Variants in PLCH1 observed in about 807,000 individuals in gnomAD.
PLCH1 encodes phospholipase C eta 1.
In PLCH1, 60 loss-of-function variants were observed where a neutral mutation model predicts 126.7. The ratio of observed to expected loss-of-function variants is 0.47; its 90% CI spans 0.38 to 0.59. The LOEUF (loss-of-function observed/expected upper bound fraction) is 0.59. Ranked by LOEUF, PLCH1 falls within the 20% of genes least tolerant of loss-of-function variation. PLCH1 has a pLI of 0.00. For missense variants in PLCH1, 1,723 were observed against 2,040.0 expected (o/e 0.84, Z 2.99); for synonymous variants, 719 against 734.9 (o/e 0.98, Z 0.35).
chr3:155,618,547 T>C (rs1294122449), intron 2 of PLCH1, among the ~76,000 whole-genome samples: 1 of 152,212 alleles, frequency 6.6e-6, no homozygotes, highest in Non-Finnish European at 1.5e-5. Context: ...TTTTTCTTGT[T>C]TCCATAGAAA....
At chr3:155,667,298 T>C (rs953851963) in intron 2 of PLCH1, among the ~76,000 whole-genome samples, 15 of 152,188 alleles carry the variant, frequency 9.9e-5, no homozygotes, top group African/African-American at 3.6e-4. Flanking sequence ...GACACCAGTG[T>C]TCCTCTTCTC....
At chr3:155,595,658 T>A (rs1156354557) in intron 3 of PLCH1, among the ~76,000 whole-genome samples, 1 of 152,216 alleles carries the variant, frequency 6.6e-6, no homozygotes, top group African/African-American at 2.4e-5. Context: ...TGTGACTTCT[T>A]GGCCTTCATA....
chr3:155,514,457 T>C (rs545030533), intron 12 of PLCH1, among the ~76,000 whole-genome samples: 1 of 152,326 alleles, frequency 6.6e-6, no homozygotes, highest in East Asian at 1.9e-4. Flanking sequence ...TTCCCTCACC[T>C]GAGCATGCAT....
intron 2 of PLCH1, chr3:155,676,394 C>T (rs1744091075): frequency 2.0e-6 from 2 of 1,013,394 alleles, no homozygotes; most frequent in Non-Finnish European, 2.4e-6. Flanking sequence ...TCGTGCAGCG[C>T]GTTAAAGCCC....
chr3:155,463,097 A>G (rs1489058839), intron 21 of PLCH1, among the ~76,000 whole-genome samples: 6 of 152,236 alleles, frequency 3.9e-5, no homozygotes, highest in Admixed American at 6.5e-5. Context: ...TGGTCAGCTC[A>G]GTAACTCATC....
At chr3:155,565,702 AT>A (rs34922939) in intron 7 of PLCH1, among the ~76,000 whole-genome samples, 14 of 43,716 alleles carry the variant, frequency 3.2e-4, no homozygotes, top group South Asian at 1.6e-3. Context: ...TTATTTATTT[AT>A]TTTTTTTTTT....
At chr3:155,663,300 T>C (rs1742383472) in intron 2 of PLCH1, among the ~76,000 whole-genome samples, 1 of 152,268 alleles carries the variant, frequency 6.6e-6, no homozygotes, top group South Asian at 2.1e-4. Flanking sequence ...CAAAAATCTA[T>C]GTATATCTCT....
At chr3:155,514,289 G>C (rs1364095368) in intron 12 of PLCH1, among the ~76,000 whole-genome samples, 1 of 152,226 alleles carries the variant, frequency 6.6e-6, no homozygotes, top group Non-Finnish European at 1.5e-5. Flanking sequence ...TCAATGCAGA[G>C]TGATCACTTA....
Position 155,482,818 on chromosome 3 carries a change from G to A in PLCH1, c.3208C>T (p.Pro1070Ser). ...SNATSNCQEN[P>S]CPSKSLSPKQ... ...GGGGAGAGAGACTTGCTGGGACAGG[G>A]GTTTTCCTGGCAATTGCTTGTGGCA... The change falls in exon 23 of 23, where the codon CCC becomes TCC. Residue 1070 changes from proline to serine, a missense_variant. Pro to Ser is a moderately conservative substitution (Grantham distance 74). This residue lies in a region of PLCH1 where 947 missense variants were observed against 977.1 expected (regional missense o/e 0.97). Transcript: ENST00000460012. The A allele has an allele frequency of 3.1e-6, 5 of 1,614,064 alleles. No homozygotes were observed. Among genetic ancestry groups the A allele is most frequent in the Non-Finnish European group, 4.2e-6 (5 of 1,180,030 alleles).
At chr3:155,568,458 A>G (rs1020596178) in intron 6 of PLCH1, 134 bp from the exon 7 acceptor site, 1 of 453,058 alleles carries the variant, frequency 2.2e-6, no homozygotes, top group African/African-American at 2.0e-5. Context: ...TGGGGTTATT[A>G]GTGTCACAGC....
At chr3:155,694,051 C>T (rs1303165493) in intron 2 of PLCH1, among the ~76,000 whole-genome samples, 1 of 152,114 alleles carries the variant, frequency 6.6e-6, no homozygotes, top group Non-Finnish European at 1.5e-5. Flanking sequence ...TATCCATGTC[C>T]TTCTTTTTTA....
At chr3:155,602,178 G>C (rs939616877) in intron 2 of PLCH1, among the ~76,000 whole-genome samples, 3 of 152,092 alleles carry the variant, frequency 2.0e-5, no homozygotes, top group African/African-American at 7.2e-5. Flanking sequence ...AACTGATATG[G>C]AGTAACTTCC....
chr3:155,672,363 A>C (rs1263217295), intron 2 of PLCH1, among the ~76,000 whole-genome samples: 1 of 152,218 alleles, frequency 6.6e-6, no homozygotes, highest in Non-Finnish European at 1.5e-5. Flanking sequence ...ATTCAGAAAT[A>C]AACTAACAGC....
chr3:155,628,223 A>AT (rs1395183300), intron 2 of PLCH1, among the ~76,000 whole-genome samples: 1 of 152,036 alleles, frequency 6.6e-6, no homozygotes, highest in Non-Finnish European at 1.5e-5. Context: ...CTTTGAGGAA[A>AT]TATCAGAAGC....
intron 21 of PLCH1, among the ~76,000 whole-genome samples, chr3:155,472,462 G>A (rs1713312992): frequency 6.6e-6 from 1 of 151,844 alleles, no homozygotes; most frequent in Non-Finnish European, 1.5e-5. Flanking sequence ...AAAGAGTCCA[G>A]GACCAGATGG....
intron 2 of PLCH1, among the ~76,000 whole-genome samples, chr3:155,627,306 C>T (rs1454779807): frequency 1.3e-5 from 2 of 152,090 alleles, no homozygotes; most frequent in Non-Finnish European, 2.9e-5. Flanking sequence ...CATAGCTGTT[C>T]ACTGCCACCC....
chr3:155,573,156 C>T (rs1026998957), intron 6 of PLCH1, among the ~76,000 whole-genome samples: 1 of 152,076 alleles, frequency 6.6e-6, no homozygotes, highest in South Asian at 2.1e-4. Context: ...CTGTTTCCTC[C>T]AAGTTTATTG....
At chr3:155,542,058 T>C (rs673001) in intron 10 of PLCH1, among the ~76,000 whole-genome samples, 83,492 of 152,114 alleles carry the variant, frequency 0.55, 27,731 homozygotes, top group Non-Finnish European at 0.75. Context: ...CAGTGCACCA[T>C]GCGCGAGCCG....
intron 4 of PLCH1, among the ~76,000 whole-genome samples, chr3:155,588,674 C>A (rs1731695912): frequency 6.6e-6 from 1 of 152,122 alleles, no homozygotes; most frequent in Admixed American, 6.6e-5. Context: ...GTCTGCAAAG[C>A]CTTTAGCACC....
Sources: gnomAD v4.1 joint callset for allele counts (sites outside exome capture counted in the v4.1 genomes callset) on GRCh38, gnomAD v4.1.1 for gene constraint, gnomAD v4.1.1 regional missense constraint, MANE v1.5 for transcripts, NCBI Gene and HGNC (gene_info 2026-07-23, HGNC 2026-07-21) for gene names.